Variants in SLC8A3 observed in about 807,000 individuals in gnomAD.
SLC8A3 encodes the protein solute carrier family 8 member A3.
A neutral mutation model predicts 65.4 loss-of-function variants in SLC8A3; 37 were observed. That is an observed-to-expected ratio of 0.57 (90% CI 0.44 to 0.74). SLC8A3 has a LOEUF of 0.74. Ranked by LOEUF, SLC8A3 falls within the 30% of genes least tolerant of loss-of-function variation. The pLI is 0.00. For missense variants in SLC8A3, 1,112 were observed against 1,172.1 expected (o/e 0.95, Z 0.75); for synonymous variants, 461 against 444.5 (o/e 1.04, Z -0.47).
chr14:70,065,742 G>T (rs1403457635), intron 2 of SLC8A3, among the ~76,000 whole-genome samples: 1 of 152,200 alleles, frequency 6.6e-6, no homozygotes, highest in Admixed American at 6.5e-5. Flanking sequence ...GGTGGTTTGA[G>T]AGTCATATGT....
At chr14:70,057,886 C>CAGAGAGAG (rs113155498) in intron 3 of SLC8A3, among the ~76,000 whole-genome samples, 1 of 150,784 alleles carries the variant, frequency 6.6e-6, no homozygotes, top group African/African-American at 2.4e-5. Flanking sequence ...CCCCATTCTT[C>CAGAGAGAG]AGAGAGAGAG....
chr14:70,146,034 A>G (rs1267949892), intron 2 of SLC8A3, among the ~76,000 whole-genome samples: 2 of 152,150 alleles, frequency 1.3e-5, no homozygotes, highest in Non-Finnish European at 2.9e-5. Context: ...GGCTCTGTAG[A>G]AGATGTCCCC....
intron 2 of SLC8A3, among the ~76,000 whole-genome samples, chr14:70,127,501 C>A (rs1894545467): frequency 6.6e-6 from 1 of 152,168 alleles, no homozygotes; most frequent in South Asian, 2.1e-4. Context: ...TGGTCAGTAG[C>A]AGCTGAAAGC....
chr14:70,062,038 A>T (rs1262330102), intron 2 of SLC8A3, among the ~76,000 whole-genome samples: 5 of 144,298 alleles, frequency 3.5e-5, no homozygotes, highest in African/African-American at 1.3e-4. Flanking sequence ...ATGGAATCAC[A>T]ATGGTGGCTA....
At chr14:70,092,713 C>A (rs952474347) in intron 2 of SLC8A3, among the ~76,000 whole-genome samples, 6 of 152,004 alleles carry the variant, frequency 3.9e-5, no homozygotes, top group Non-Finnish European at 8.8e-5. Context: ...ATGTCTCCAG[C>A]CCAGTGGAGG....
In SLC8A3 at chr14:70,052,127, A is replaced by T. The variant is rs1272040603; in HGVS notation, c.1889-13T>A. 6.3e-7 allele frequency: 1 copy of T among 1,590,228 alleles called. No individual in the cohort carries two copies. The highest frequency in any genetic ancestry group is 1.8e-5 in the Admixed American group (1 of 55,256). ...CTGTCTGTCACATCTGCAACAAAAC[A>T]AAATCAGACTCGCTTTAACACCTTT... On this transcript the variant is annotated splice_polypyrimidine_tract_variant and intron_variant, in intron 3 of 6. Coordinates refer to ENST00000356921, the MANE Select transcript of SLC8A3 (RefSeq NM_182932.3).
intron 2 of SLC8A3, among the ~76,000 whole-genome samples, chr14:70,112,511 A>G (rs763815705): frequency 2.0e-5 from 3 of 152,200 alleles, no homozygotes; most frequent in East Asian, 1.9e-4. Context: ...GCTTCCTGTC[A>G]TCTCAAAGCC....
chr14:70,050,324 A>C (rs895394258), intron 5 of SLC8A3, among the ~76,000 whole-genome samples: 15 of 152,110 alleles, frequency 9.9e-5, no homozygotes, highest in Non-Finnish European at 2.2e-4. Context: ...GGCCTTGGGG[A>C]TATGACCCTG....
chr14:70,116,138 A>G (rs1422479957), intron 2 of SLC8A3, among the ~76,000 whole-genome samples: 1 of 152,178 alleles, frequency 6.6e-6, no homozygotes, highest in East Asian at 1.9e-4. Context: ...AGGGGGTCAT[A>G]GACTTTGAAC....
intron 1 of SLC8A3, among the ~76,000 whole-genome samples, chr14:70,186,840 C>T (rs1455270936): frequency 2.0e-5 from 3 of 152,144 alleles, no homozygotes; most frequent in Non-Finnish European, 4.4e-5. Flanking sequence ...AAGCCCCAGC[C>T]CGAAGCCAAG....
At chr14:70,169,702 G>GC (rs1555384586) in intron 1 of SLC8A3, among the ~76,000 whole-genome samples, 1,651 of 132,552 alleles carry the variant, frequency 0.012, 48 homozygotes, top group African/African-American at 0.043. Context: ...GGGGGGGGGG[G>GC]CGATCTTTCT....
chr14:70,137,265 T>G (rs1482937711), intron 2 of SLC8A3, among the ~76,000 whole-genome samples: 1 of 151,998 alleles, frequency 6.6e-6, no homozygotes. Context: ...CCTGCCTAGC[T>G]GCCTGGCCTC....
In SLC8A3 at chr14:70,170,819, C is replaced by T. The variant is rs188719173; in HGVS notation, c.-62-2335G>A. On this transcript the variant is annotated intron_variant, in intron 1 of 6. Coordinates refer to ENST00000356921, the MANE Select transcript of SLC8A3 (RefSeq NM_182932.3). ...TAGAGTGGCAGCCAAGTTCTGAAGC[C>T]CACATTCTCCATTAGTCCAGGTGCT... Among the ~76,000 whole-genome samples, 460 of 152,230 alleles carry T rather than the reference C, an allele frequency of 3.0e-3. 1 individual carries two copies. The highest frequency in any genetic ancestry group is 5.1e-3 in the Non-Finnish European group (345 of 68,010).
chr14:70,057,536 G>C (rs1018699443), intron 3 of SLC8A3, among the ~76,000 whole-genome samples: 1 of 152,212 alleles, frequency 6.6e-6, no homozygotes, highest in Non-Finnish European at 1.5e-5. Flanking sequence ...AGAGTAGTGA[G>C]AAGGCCTGCA....
At chr14:70,165,018 A>T (rs1373910112) in intron 2 of SLC8A3, among the ~76,000 whole-genome samples, 1 of 152,214 alleles carries the variant, frequency 6.6e-6, no homozygotes, top group Non-Finnish European at 1.5e-5. Flanking sequence ...ATTTCCCTTC[A>T]GGAGACAATA....
At chr14:70,134,634 T>C (rs766297492) in intron 2 of SLC8A3, among the ~76,000 whole-genome samples, 1 of 152,232 alleles carries the variant, frequency 6.6e-6, no homozygotes, top group Non-Finnish European at 1.5e-5. Context: ...ACCTTAGTTC[T>C]GCCATCATCA....
rs916164211 is a variant in SLC8A3, at chr14:70,167,996, A to C, written c.427T>G (p.Ser143Ala). The C allele has an allele frequency of 1.2e-6, 2 of 1,614,062 alleles. No individual in the cohort carries two copies. The highest frequency in any genetic ancestry group is 1.7e-6 in the Non-Finnish European group (2 of 1,180,036). Residue 143 changes from serine to alanine, a missense_variant, in exon 2 of 7, where the codon TCC becomes GCC. Coordinates refer to ENST00000356921, the MANE Select transcript of SLC8A3 (RefSeq NM_182932.3). Reference protein sequence around the residue: ...VSNLTLMALGSSAPEILLSLI... With the variant: ...VSNLTLMALGASAPEILLSLI... The stretch of plus-strand genomic sequence containing the variant: ...GAGAGGAGTATCTCAGGAGCAGAGG[A>C]ACCCAGGGCCATAAGGGTCAGGTTG...
Position 70,168,248 on chromosome 14 carries a change from T to C in SLC8A3, c.175A>G (p.Ile59Val), listed in dbSNP as rs1177977784. ...TTCTCCGGGTACCAGATTGGCAGGA[T>C]GACACCCTCCTTGCAGTCCGATGAC... ...SGSSDCKEGVILPIWYPENPS... is the reference protein window; with the variant it reads ...SGSSDCKEGVVLPIWYPENPS... Residue 59 changes from isoleucine to valine, a missense_variant, in exon 2 of 7, where the codon ATC (isoleucine) becomes GTC (valine). By Grantham distance (29) the Ile-to-Val change is conservative (BLOSUM62 3). Coordinates refer to ENST00000356921, the MANE Select transcript of SLC8A3 (RefSeq NM_182932.3). 6.2e-7 allele frequency: 1 copy of C among 1,614,180 alleles called. No individual in the cohort carries two copies. Among genetic ancestry groups the C allele is most frequent in the East Asian group, 2.2e-5 (1 of 44,882 alleles).
At chr14:70,160,919 G>A (rs899642140) in intron 2 of SLC8A3, among the ~76,000 whole-genome samples, 4 of 150,632 alleles carry the variant, frequency 2.7e-5, no homozygotes, top group Admixed American at 6.6e-5. Flanking sequence ...GGGGCCCTTC[G>A]GGACACAATA....
Sources: allele counts gnomAD v4.1 joint callset (sites outside exome capture counted in the v4.1 genomes callset), GRCh38; gene constraint gnomAD v4.1.1; transcripts MANE v1.5; gene names NCBI Gene and HGNC (gene_info 2026-07-23, HGNC 2026-07-21).